Variants in ZBTB41 observed in about 807,000 individuals in gnomAD.
ZBTB41 encodes the protein zinc finger and BTB domain containing 41.
In ZBTB41, 42 loss-of-function variants were observed where a neutral mutation model predicts 87.6. The observed-to-expected ratio is 0.48, with a 90% CI of 0.37 to 0.62. ZBTB41 has a LOEUF of 0.62. Ranked by LOEUF, ZBTB41 falls within the 20% of genes least tolerant of loss-of-function variation. The probability of loss-of-function intolerance (pLI) is 0.00; values close to 1 mark genes in which losing one functional copy is unlikely to be tolerated. For synonymous variants in ZBTB41, 364 were observed against 364.0 expected (o/e 1.00, Z 0.00); for missense variants, 799 against 1,078.9 (o/e 0.74, Z 3.63).
rs1659081243 is a variant in ZBTB41, at chr1:197,156,995, C to G, written c.*2364G>C. ...ATAGCTTGTTTTTACTATTTCAGGGCTGGTTATGAGGTTCAAATGAGATAA... is the reference window on the plus strand; with the variant it reads ...ATAGCTTGTTTTTACTATTTCAGGGGTGGTTATGAGGTTCAAATGAGATAA... On this transcript the variant is annotated 3_prime_UTR_variant, in exon 11 of 11. Transcript: ENST00000367405. 6.6e-6 allele frequency: 1 copy of G among 151,956 alleles called. No homozygotes were observed. The highest frequency in any genetic ancestry group is 2.1e-4 in the South Asian group (1 of 4,824). 9.4% of individuals were successfully genotyped at this position (151,956 alleles called of 1,614,324 possible).
rs1414857299 is a variant in ZBTB41 at position 197,178,365 on chromosome 1, TAG to T, written c.1772+50_1772+51del. The T allele has an allele frequency of 3.3e-6, 4 of 1,220,862 alleles. No homozygotes were observed. In the East Asian group the frequency reaches 1.0e-4, roughly 31 times the overall value. The allele number at this position is 1,220,862 out of a possible 1,614,324, so 75.6% of individuals were successfully genotyped here. On this transcript the variant is annotated intron_variant, in intron 7 of 10. Transcript: ENST00000367405. ...AAGTAATAAGAAAATAGAACTAAAA[TAG>T]AGATATAATTCTATCTTACTTAATA...
At chr1:197,189,469 C>T (rs10922178) in intron 4 of ZBTB41, among the ~76,000 whole-genome samples, 38,695 of 150,704 alleles carry the variant, frequency 0.26, 5,323 homozygotes, top group Middle Eastern at 0.31. Flanking sequence ...GAGGTTGCAG[C>T]GAGCCAAGAT....
chr1:197,169,523 A>G (rs1347274340), intron 10 of ZBTB41, among the ~76,000 whole-genome samples: 1 of 152,146 alleles, frequency 6.6e-6, no homozygotes, highest in East Asian at 1.9e-4. Context: ...TGCTATTAAT[A>G]TAAGTCAAAA....
In ZBTB41 at chr1:197,199,651, C is replaced by G; in HGVS notation, c.823G>C (p.Asp275His). Reference protein sequence around the residue: ...DTSDDEQESGDGSDNLNQENF... With the variant: ...DTSDDEQESGHGSDNLNQENF... The stretch of plus-strand genomic sequence containing the variant: ...TCTTGATTCAAATTGTCTGACCCAT[C>G]ACCACTTTCCTGTTCATCATCGCTG... Residue 275 changes from aspartate (D) to histidine (H), a missense_variant, in exon 2 of 11, where the codon GAT (aspartate) becomes CAT (histidine). Transcript: ENST00000367405. The G allele has an allele frequency of 6.2e-7, 1 of 1,613,110 alleles. No homozygotes were observed.
chr1:197,189,143 A>T (rs1481898142), intron 4 of ZBTB41, among the ~76,000 whole-genome samples: 1 of 152,206 alleles, frequency 6.6e-6, no homozygotes, highest in Non-Finnish European at 1.5e-5. Context: ...AGCTGAAATC[A>T]GAGAAATTGT....
chr1:197,191,529 T>A (rs995343217), intron 3 of ZBTB41, among the ~76,000 whole-genome samples, 163 bp downstream of exon 3: 1 of 150,254 alleles, frequency 6.7e-6, no homozygotes, highest in Admixed American at 6.6e-5. Flanking sequence ...GAAGACAGAC[T>A]TGCCAAAACC....
intron 10 of ZBTB41, among the ~76,000 whole-genome samples, chr1:197,165,319 G>A (rs1024592247): frequency 1.3e-5 from 2 of 151,962 alleles, no homozygotes; most frequent in African/African-American, 2.4e-5. Context: ...AATTAAAAAT[G>A]AGGTACGGAG....
intron 2 of ZBTB41, among the ~76,000 whole-genome samples, chr1:197,196,477 G>A (rs1660165037): frequency 1.3e-5 from 2 of 151,928 alleles, no homozygotes; most frequent in African/African-American, 4.8e-5. Context: ...TTATCATTCT[G>A]GTCCTTTGTT....
At chr1:197,193,389 AAAAAAACCAAAAAAAC>A (rs1208470741) in intron 2 of ZBTB41, among the ~76,000 whole-genome samples, 1 of 151,996 alleles carries the variant, frequency 6.6e-6, no homozygotes, top group African/African-American at 2.4e-5. Flanking sequence ...AACAAACAAA[AAAAAAACCAAAAAAAC>A]AAAAAAACCC....
At chr1:197,171,700 G>A (rs1455722334) in intron 10 of ZBTB41, among the ~76,000 whole-genome samples, 1 of 151,860 alleles carries the variant, frequency 6.6e-6, no homozygotes, top group African/African-American at 2.4e-5. Flanking sequence ...ATCATGACTG[G>A]CTATGTAAAA....
rs781104742 is a variant in ZBTB41 at position 197,159,567 on chromosome 1, G to A, written c.2522C>T (p.Pro841Leu). The change falls in exon 11 of 11, where the codon CCA (proline) becomes CTA (leucine). Residue 841 changes from proline (P) to leucine (L), a missense_variant. Coordinates refer to ENST00000367405, the MANE Select transcript of ZBTB41 (RefSeq NM_194314.3). ...TGGATAATCAGTTGACTGTGGCTGT[G>A]GTGACAGAATCTCATGAGAAGATGG... ...LPPSSHEILS[P>L]QPQSTDYPRA... is the part of the protein sequence containing the mutation. 20 of 1,613,842 alleles carry A rather than the reference G, an allele frequency of 1.2e-5. No homozygotes were observed. Among genetic ancestry groups the A allele is most frequent in the Non-Finnish European group, 1.4e-5 (16 of 1,179,888 alleles).
At chr1:197,196,304 G>A (rs1166812058) in intron 2 of ZBTB41, among the ~76,000 whole-genome samples, 3 of 152,056 alleles carry the variant, frequency 2.0e-5, no homozygotes, top group African/African-American at 7.2e-5. Context: ...AATAAAGATG[G>A]TAAGAGAGGA....
chr1:197,161,111 G>T (rs776933698), intron 10 of ZBTB41, among the ~76,000 whole-genome samples: 1 of 152,026 alleles, frequency 6.6e-6, no homozygotes, highest in Non-Finnish European at 1.5e-5. Flanking sequence ...TATAGCCCCT[G>T]GAAAGAAATA....
In ZBTB41 at chr1:197,191,601, G is replaced by A. The variant is rs533690760; in HGVS notation, c.1328+91C>T. The A allele has an allele frequency of 1.7e-5, 17 of 1,004,472 alleles. No homozygotes were observed. The South Asian group carries it at 3.9e-4, about 23-fold the overall frequency. The allele number at this position is 1,004,472 out of a possible 1,614,324, so 62.2% of individuals were successfully genotyped here. On this transcript the variant is annotated intron_variant, in intron 3 of 10. Coordinates refer to ENST00000367405, the MANE Select transcript of ZBTB41 (RefSeq NM_194314.3). ...CAATGAATCTCCAATGAAAGAATTG[G>A]AGATAAGCACTTTATAGATGTTTTT...
At chr1:197,168,141 A>G (rs1464984724) in intron 10 of ZBTB41, among the ~76,000 whole-genome samples, 1 of 152,168 alleles carries the variant, frequency 6.6e-6, no homozygotes, top group Non-Finnish European at 1.5e-5. Context: ...AATAAAATTA[A>G]AAAAAGGTCA....
rs1475784060 is a variant in ZBTB41 at position 197,157,608 on chromosome 1, TAGTA to T, written c.*1747_*1750del. Reference sequence around the variant, plus strand: ...TAAGAATACTTTAAAAAGGAGAACATAGTAAGTATGTCCACTAGTCTTAAGACAA... The same window carrying T: ...TAAGAATACTTTAAAAAGGAGAACATAGTATGTCCACTAGTCTTAAGACAA... On this transcript the variant is annotated 3_prime_UTR_variant, in exon 11 of 11. Coordinates refer to ENST00000367405, the MANE Select transcript of ZBTB41 (RefSeq NM_194314.3). 2.0e-5 allele frequency: 3 copies of T among 152,164 alleles called. No individual in the cohort carries two copies. The highest frequency in any genetic ancestry group is 6.6e-5 in the Admixed American group (1 of 15,220). 9.4% of individuals were successfully genotyped at this position (152,164 alleles called of 1,614,324 possible).
At chr1:197,160,575 G>A (rs879925369) in intron 10 of ZBTB41, among the ~76,000 whole-genome samples, 18 of 152,082 alleles carry the variant, frequency 1.2e-4, no homozygotes, top group Non-Finnish European at 1.6e-4. Context: ...GTTGTTCAGC[G>A]GAAAGAACAA....
At chr1:197,193,008 C>T (rs1381327410) in intron 2 of ZBTB41, among the ~76,000 whole-genome samples, 1 of 151,870 alleles carries the variant, frequency 6.6e-6, no homozygotes, top group East Asian at 1.9e-4. Flanking sequence ...TAATCACAAG[C>T]AAAGAAAACA....
chr1:197,176,735 G>T, intron 7 of ZBTB41, 65 bp from the exon 8 acceptor site: 1 of 1,124,616 alleles, frequency 8.9e-7, no homozygotes, highest in Non-Finnish European at 1.3e-6. Flanking sequence ...GCTCAATAAT[G>T]AATAAATGAT....
Sources: allele counts gnomAD v4.1 joint callset (sites outside exome capture counted in the v4.1 genomes callset), GRCh38; gene constraint gnomAD v4.1.1; transcripts MANE v1.5; gene names NCBI Gene and HGNC (gene_info 2026-07-23, HGNC 2026-07-21).